SLC9B2: variants seen among roughly 807,000 people sequenced by gnomAD.
The protein encoded by SLC9B2 is solute carrier family 9 member B2.
In SLC9B2, 39 loss-of-function variants were observed where a neutral mutation model predicts 52.2. That is an observed-to-expected ratio of 0.75 (90% CI 0.58 to 0.98). The LOEUF is 0.98. SLC9B2 is among the 50% of genes least tolerant of loss of function. The probability of loss-of-function intolerance (pLI) is 0.00; values close to 1 mark genes in which losing one functional copy is unlikely to be tolerated. For synonymous variants in SLC9B2, 214 were observed against 227.0 expected, an observed-to-expected ratio of 0.94 and a Z score of 0.51; for missense variants, 626 against 637.5, an observed-to-expected ratio of 0.98 and a Z score of 0.19.
chr4:103,060,576 A>G, intron 3 of SLC9B2, among the ~76,000 whole-genome samples: 1 of 124,356 alleles, frequency 8.0e-6, no homozygotes, highest in Non-Finnish European at 1.7e-5. Context: ...TGCAATAGTG[A>G]GCTCTCCCTT....
rs769255035 is a variant in SLC9B2 at position 103,050,271 on chromosome 4, A to T, written c.554T>A (p.Leu185Gln). Residue 185 changes from leucine to glutamine, a missense_variant, in exon 5 of 12, where the codon CTG (leucine) becomes CAG (glutamine). Coordinates refer to ENST00000394785, the MANE Select transcript of SLC9B2 (RefSeq NM_178833.7). ...SLRSIALSII[L>Q]VRAGLGLDSK... ...ATCCAGACCAAGGCCAGCACGAACC[A>T]GAATGATAGACAGGGCTATGCTTCT... 2 of 1,604,484 alleles carry T rather than the reference A, an allele frequency of 1.2e-6. No homozygotes were observed. Among genetic ancestry groups the T allele is most frequent in the South Asian group, 1.1e-5 (1 of 89,088 alleles).
chr4:103,020,002 G>A, downstream of SLC9B2: 2 of 895,994 alleles, frequency 2.2e-6, no homozygotes, highest in Non-Finnish European at 2.7e-6. Flanking sequence ...TTCCCCTAAA[G>A]TCAGCTTAAA....
intron 4 of SLC9B2, among the ~76,000 whole-genome samples, chr4:103,052,560 T>C (rs1163418421): frequency 6.6e-6 from 1 of 152,256 alleles, no homozygotes; most frequent in Non-Finnish European, 1.5e-5. Flanking sequence ...CATTCCATTA[T>C]CATTACAATA....
Position 103,037,081 on chromosome 4 carries a change from A to G in SLC9B2, c.1147-5273T>C, listed in dbSNP as rs1023055110. ...TCTCATTAGGTGAACTGATGTGTCT[A>G]CATGGTCCCTATCTGAATGACTGTG... is the stretch of plus-strand genomic sequence containing the variant. On this transcript the variant is annotated intron_variant, in intron 9 of 11. Coordinates refer to ENST00000394785, the MANE Select transcript of SLC9B2 (RefSeq NM_178833.7). Among the ~76,000 whole-genome samples the G allele has an allele frequency of 2.1e-5, 3 of 146,332 alleles. No individual in the cohort carries two copies. The South Asian group carries it at 6.2e-4, about 30-fold the overall frequency.
chr4:103,049,627 T>G (rs530155453), intron 5 of SLC9B2, among the ~76,000 whole-genome samples: 1 of 152,334 alleles, frequency 6.6e-6, no homozygotes, highest in African/African-American at 2.4e-5. Context: ...GAGCATTATT[T>G]ATAACCCTGG....
At chr4:103,052,120 G>T (rs1229484649) in intron 4 of SLC9B2, among the ~76,000 whole-genome samples, 1 of 152,160 alleles carries the variant, frequency 6.6e-6, no homozygotes, top group Non-Finnish European at 1.5e-5. Context: ...TTGGCACCAG[G>T]GACCGGTGTC....
intron 3 of SLC9B2, among the ~76,000 whole-genome samples, chr4:103,061,740 ACT>A (rs1326507149): frequency 5.3e-4 from 80 of 152,288 alleles, no homozygotes; most frequent in African/African-American, 1.9e-3. Context: ...GACCTCTGCT[ACT>A]TACACTTTGG....
intron 9 of SLC9B2, among the ~76,000 whole-genome samples, chr4:103,036,628 A>T (rs1208471104): frequency 6.6e-6 from 1 of 152,174 alleles, no homozygotes; most frequent in Non-Finnish European, 1.5e-5. Flanking sequence ...AGTAATTATG[A>T]AACACAAATT....
At chr4:103,053,157 T>G (rs903101178) in intron 4 of SLC9B2, among the ~76,000 whole-genome samples, 3 of 152,178 alleles carry the variant, frequency 2.0e-5, no homozygotes, top group Non-Finnish European at 4.4e-5. Context: ...TGATTTTTCT[T>G]CTCTTCCAAA....
rs1213218687 is a variant in SLC9B2, at chr4:103,028,900, A to G, written c.1256-17T>C. On this transcript the variant is annotated splice_polypyrimidine_tract_variant and intron_variant, in intron 10 of 11. Coordinates refer to ENST00000394785, the MANE Select transcript of SLC9B2 (RefSeq NM_178833.7). ...CACAAAGGCCTGTAAGAAATATTCAATTTTTAGAAATAATAAAATACTAGG... is the reference window on the plus strand; with the variant it reads ...CACAAAGGCCTGTAAGAAATATTCAGTTTTTAGAAATAATAAAATACTAGG... 1 of 1,513,112 alleles carries G rather than the reference A, an allele frequency of 6.6e-7. No individual in the cohort carries two copies. Among genetic ancestry groups the G allele is most frequent in the Non-Finnish European group, 8.8e-7 (1 of 1,138,930 alleles). The allele number at this position is 1,513,112 out of a possible 1,614,324, so 93.7% of individuals were successfully genotyped here. A position where few individuals can be genotyped will look rare whatever the true frequency, so the allele number is the denominator to read the frequency against.
rs779979130 is a variant in SLC9B2 at position 103,072,056 on chromosome 4, G to GTTTTTTTTTTTTTTTTTTTTTTTTTTT, written c.-43+4127_-43+4128insAAAAAAAAAAAAAAAAAAAAAAAAAAA. On this transcript the variant is annotated intron_variant, in intron 1 of 11. Coordinates refer to ENST00000394785, the MANE Select transcript of SLC9B2 (RefSeq NM_178833.7). ...CAAAATTTTCAAGTTTGGCTTTCAT[G>GTTTTTTTTTTTTTTTTTTTTTTTTTTT]TTTTTTTTTTTTTTTTTTTTGAGGT... Among the ~76,000 whole-genome samples the GTTTTTTTTTTTTTTTTTTTTTTTTTTT allele has an allele frequency of 3.1e-4, 30 of 95,326 alleles. 7 individuals are homozygous for GTTTTTTTTTTTTTTTTTTTTTTTTTTT. Among genetic ancestry groups the GTTTTTTTTTTTTTTTTTTTTTTTTTTT allele is most frequent in the African/African-American group, 1.3e-3 (29 of 21,824 alleles). 62.5% of individuals were successfully genotyped at this position (95,326 alleles called of 152,430 possible). A position where few individuals can be genotyped will look rare whatever the true frequency, so the allele number is the denominator to read the frequency against.
Position 103,057,881 on chromosome 4 carries a change from A to C in SLC9B2, c.362T>G (p.Leu121Arg). ...PGGNLFGIIILFYCAIIGGKL... is the reference protein window; with the variant it reads ...PGGNLFGIIIRFYCAIIGGKL... ...ACCACCAATGATGGCACAATAGAAT[A>C]GGATTATAATTCCAAATAGGTTTCC... Residue 121 changes from leucine (L) to arginine (R), a missense_variant, in exon 4 of 12, where the codon CTA (leucine) becomes CGA (arginine). Physicochemically the swap from Leu to Arg is moderately radical, Grantham distance 102. Transcript: ENST00000394785. The C allele has an allele frequency of 6.2e-7, 1 of 1,614,014 alleles. No individual in the cohort carries two copies. Among genetic ancestry groups the C allele is most frequent in the South Asian group, 1.1e-5 (1 of 91,050 alleles).
intron 11 of SLC9B2, among the ~76,000 whole-genome samples, chr4:103,026,989 C>T (rs1313476385): frequency 6.6e-6 from 1 of 152,070 alleles, no homozygotes; most frequent in Admixed American, 6.5e-5. Context: ...GTGATCCTCC[C>T]TCCTTAGCCT....
intron 1 of SLC9B2, among the ~76,000 whole-genome samples, chr4:103,074,076 C>CAG (rs1325729636): frequency 6.6e-6 from 1 of 152,136 alleles, no homozygotes; most frequent in African/African-American, 2.4e-5. Flanking sequence ...TTAATAAAGA[C>CAG]AGAGAGAGAG....
At chr4:103,050,814 T>A (rs1401152648) in intron 4 of SLC9B2, among the ~76,000 whole-genome samples, 1 of 152,228 alleles carries the variant, frequency 6.6e-6, no homozygotes, top group Non-Finnish European at 1.5e-5. Context: ...GATAATTTCA[T>A]AAGAGACAGA....
At chr4:103,067,370 G>T in intron 2 of SLC9B2, 91 bp downstream of exon 2, 1 of 1,183,824 alleles carries the variant, frequency 8.4e-7, no homozygotes, top group Non-Finnish European at 1.2e-6. Flanking sequence ...AGTCACACCT[G>T]CCTTGGATTG....
Position 103,047,157 on chromosome 4 carries a change from A to C in SLC9B2, c.783T>G (p.Tyr261Ter), listed in dbSNP as rs1411476808. 1 of 1,613,854 alleles carries C rather than the reference A, an allele frequency of 6.2e-7. No individual in the cohort carries two copies. Among genetic ancestry groups the C allele is most frequent in the African/African-American group, 1.3e-5 (1 of 74,912 alleles). The change falls in exon 7 of 12, where the codon TAT becomes TAG. Residue 261 changes from tyrosine to a stop codon, truncating the protein, a stop_gained. Coordinates refer to ENST00000394785, the MANE Select transcript of SLC9B2 (RefSeq NM_178833.7). LOFTEE classifies it high-confidence loss of function. ...PSMLLLQGGG[Y>*]GVEKGVPTLL... ...AGGTTGGGACACCCTTCTCAACACC[A>C]TAGCCTCCTCCCTGCAAAAGGAGCA...
In SLC9B2 at chr4:103,026,121, A is replaced by G; in HGVS notation, c.*249T>C. On this transcript the variant is annotated 3_prime_UTR_variant, in exon 12 of 12. Transcript: ENST00000394785. ...AAACTGTGGTAGTACATTAAAGTAG[A>G]TATGTCCTTATGCAAATTAAGATGG... is the stretch of plus-strand genomic sequence containing the variant. 2.6e-6 allele frequency: 1 copy of G among 380,746 alleles called. No homozygotes were observed. Among genetic ancestry groups the G allele is most frequent in the Non-Finnish European group, 4.7e-6 (1 of 211,752 alleles). 23.6% of individuals were successfully genotyped at this position (380,746 alleles called of 1,614,324 possible).
chr4:103,043,537 T>C (rs1743829149), intron 8 of SLC9B2, 92 bp from the exon 9 acceptor site: 3 of 1,185,262 alleles, frequency 2.5e-6, no homozygotes, highest in Non-Finnish European at 2.3e-6. Context: ...AGAAAGAAAA[T>C]AAAAATTAAA....
Sources: gnomAD v4.1 joint callset for allele counts (sites outside exome capture counted in the v4.1 genomes callset) on GRCh38, gnomAD v4.1.1 for gene constraint, MANE v1.5 for transcripts, NCBI Gene and HGNC (gene_info 2026-07-23, HGNC 2026-07-21) for gene names.